Variants in BFAR observed in about 807,000 individuals in gnomAD.
BFAR encodes the protein RING finger protein 47.
Under a neutral mutation model 54.4 loss-of-function variants are expected in BFAR, and 52 were observed. That is an observed-to-expected ratio of 0.96 (90% CI 0.77 to 1.21). The LOEUF is 1.21. Ranked by LOEUF, BFAR falls within the 50% of genes most tolerant of loss-of-function variation. The pLI is 0.00. For missense variants in BFAR, 571 were observed against 534.0 expected (o/e 1.07, Z -0.68); for synonymous variants, 215 against 204.3 (o/e 1.05, Z -0.45).
intron 5 of BFAR, among the ~76,000 whole-genome samples, chr16:14,661,560 G>A (rs1483844531): frequency 1.3e-5 from 2 of 151,782 alleles, no homozygotes; most frequent in Non-Finnish European, 2.9e-5. Context: ...GAGCCACCAT[G>A]CCCAGCTAAT....
intron 2 of BFAR, among the ~76,000 whole-genome samples, chr16:14,646,170 C>T (rs1039078841): frequency 5.3e-5 from 8 of 152,190 alleles, no homozygotes; most frequent in Non-Finnish European, 1.2e-4. Context: ...TCTCCTGCCT[C>T]AGCTTCCCTA....
intron 2 of BFAR, among the ~76,000 whole-genome samples, chr16:14,647,677 C>CAA (rs888504146): frequency 1.8e-4 from 16 of 88,310 alleles, no homozygotes; most frequent in African/African-American, 3.7e-4. Flanking sequence ...ACTCTTGTCT[C>CAA]AAAAAAAAAA....
intron 7 of BFAR, chr16:14,667,312 A>T: frequency 3.2e-6 from 1 of 310,608 alleles, no homozygotes; most frequent in Non-Finnish European, 5.9e-6. Flanking sequence ...CTGCACTCCC[A>T]GGCTGGACAA....
Position 14,644,415 on chromosome 16 carries a change from C to A in BFAR, c.69C>A (p.Thr23=). 6.2e-7 allele frequency: 1 copy of A among 1,613,810 alleles called. No individual in the cohort carries two copies. Among genetic ancestry groups the A allele is most frequent in the Non-Finnish European group, 8.5e-7 (1 of 1,179,834 alleles). Residue 23 remains threonine (T), a synonymous_variant, in exon 2 of 8, where the codon ACC becomes ACA. Transcript: ENST00000261658. The stretch of plus-strand genomic sequence containing the variant: ...AGAGAGATGAACCTCTCAAAAGCAC[C>A]GGCCCTCAGATTTCTGTTAGTGAAT... The part of the protein sequence containing the change: ...DLERDEPLKS[T]GPQISVSEFS...
At chr16:14,659,401 C>T (rs188694566) in intron 5 of BFAR, among the ~76,000 whole-genome samples, 20 of 151,744 alleles carry the variant, frequency 1.3e-4, no homozygotes, top group Admixed American at 1.1e-3. Context: ...ACCACCACAC[C>T]GGCTAATTTT....
In BFAR at chr16:14,644,541, A is replaced by G; in HGVS notation, c.195A>G (p.Ser65=). ...RHCLALWWAS[S]KKTECPECRE... ...GCCTTGCTTTATGGTGGGCATCTTC[A>G]AAGAAAACAGAATGTCCAGAATGCA... is the stretch of plus-strand genomic sequence containing the variant. Residue 65 remains serine, a synonymous_variant, in exon 2 of 8, where the codon TCA becomes TCG. Transcript: ENST00000261658. 2 of 1,614,142 alleles carry G rather than the reference A, an allele frequency of 1.2e-6. No homozygotes were observed. Among genetic ancestry groups the G allele is most frequent in the East Asian group, 2.2e-5 (1 of 44,878 alleles).
chr16:14,669,122 A>G lies in BFAR; in HGVS notation c.*1295A>G, dbSNP rs1960526114. 1 of 438,772 alleles carries G rather than the reference A, an allele frequency of 2.3e-6. No homozygotes were observed. Among genetic ancestry groups the G allele is most frequent in the Admixed American group, 2.5e-5 (1 of 40,010 alleles). The allele number at this position is 438,772 out of a possible 1,614,324, so 27.2% of individuals were successfully genotyped here. On this transcript the variant is annotated 3_prime_UTR_variant, in exon 8 of 8. Coordinates refer to ENST00000261658, the MANE Select transcript of BFAR (RefSeq NM_016561.3). The stretch of plus-strand genomic sequence containing the variant: ...CAAAATATTATCTTGTGACTCCATG[A>G]ACCATTCATTAACCCTTTGTATCTT...
chr16:14,634,022 G>A (rs368578484), intron 1 of BFAR, among the ~76,000 whole-genome samples: 7 of 152,176 alleles, frequency 4.6e-5, no homozygotes, highest in African/African-American at 1.7e-4. Context: ...TGTCTAAACG[G>A]GGACCTTTGG....
At chr16:14,665,110 A>G (rs768352541) in intron 7 of BFAR, 39 bp downstream of exon 7, 1 of 1,527,536 alleles carries the variant, frequency 6.5e-7, no homozygotes, top group South Asian at 1.1e-5. Flanking sequence ...AGGGGATGGG[A>G]AAGAAATACC....
chr16:14,659,211 T>C (rs1005482209), intron 5 of BFAR, among the ~76,000 whole-genome samples: 13 of 151,160 alleles, frequency 8.6e-5, no homozygotes, highest in Admixed American at 2.0e-4. Context: ...GCCCAGCCTG[T>C]AGTATGCAAT....
intron 1 of BFAR, among the ~76,000 whole-genome samples, chr16:14,634,519 A>C (rs1223438786): frequency 6.6e-6 from 1 of 152,230 alleles, no homozygotes; most frequent in Non-Finnish European, 1.5e-5. Context: ...GTACCTGTAG[A>C]TAGTTTGTCA....
intron 6 of BFAR, among the ~76,000 whole-genome samples, chr16:14,664,390 C>CAAAAA (rs753783830): frequency 8.6e-5 from 5 of 58,092 alleles, no homozygotes; most frequent in African/African-American, 1.2e-4. Context: ...GACTCCGTCT[C>CAAAAA]AAAAAAAAAA....
At chr16:14,664,363 C>G (rs1325861432) in intron 6 of BFAR, among the ~76,000 whole-genome samples, 1 of 146,822 alleles carries the variant, frequency 6.8e-6, no homozygotes, top group Non-Finnish European at 1.5e-5. Context: ...TGCATTCCAG[C>G]CTGGGTAACA....
rs139623001 is a variant in BFAR, at chr16:14,653,691, T to C, written c.639-1375T>C. Among the ~76,000 whole-genome samples the C allele has an allele frequency of 7.1e-3, 1,082 of 152,252 alleles. 15 individuals carry two copies. Among genetic ancestry groups the C allele is most frequent in the African/African-American group, 0.024 (1,017 of 41,546 alleles). ...CTCCAATTATTTTTATTAAATTAAA[T>C]CCCTACCTTAAAACAACTACTCTTT... On this transcript the variant is annotated intron_variant, in intron 4 of 7. Coordinates refer to ENST00000261658, the MANE Select transcript of BFAR (RefSeq NM_016561.3).
Position 14,667,760 on chromosome 16 carries a change from T to G in BFAR, c.1286T>G (p.Phe429Cys). 3 of 1,614,154 alleles carry G rather than the reference T, an allele frequency of 1.9e-6. No homozygotes were observed. Among genetic ancestry groups the G allele is most frequent in the Non-Finnish European group, 2.5e-6 (3 of 1,180,026 alleles). Residue 429 changes from phenylalanine to cysteine, a missense_variant, in exon 8 of 8, where the codon TTT becomes TGT. Coordinates refer to ENST00000261658, the MANE Select transcript of BFAR (RefSeq NM_016561.3). Reference sequence around the variant, plus strand: ...TGTTTGTTTTACTGGGCCCTGTACTTTAACCCAATTATTAACATTGATCTT... The same window carrying G: ...TGTTTGTTTTACTGGGCCCTGTACTGTAACCCAATTATTAACATTGATCTT... Reference protein sequence around the residue: ...CNCLFYWALYFNPIINIDLVV... With the variant: ...CNCLFYWALYCNPIINIDLVV...
intron 3 of BFAR, among the ~76,000 whole-genome samples, chr16:14,649,545 G>A (rs1337045561): frequency 6.6e-6 from 1 of 152,188 alleles, no homozygotes; most frequent in Non-Finnish European, 1.5e-5. Flanking sequence ...CTGCTCCCAG[G>A]TGCCTGAGAT....
intron 1 of BFAR, among the ~76,000 whole-genome samples, chr16:14,636,621 C>T (rs1326866909): frequency 6.6e-6 from 1 of 152,198 alleles, no homozygotes; most frequent in Non-Finnish European, 1.5e-5. Flanking sequence ...CAGATGCCTT[C>T]CTCTTGGCTC....
At chr16:14,650,165 T>G in intron 4 of BFAR, 192 bp downstream of exon 4, 2 of 464,012 alleles carry the variant, frequency 4.3e-6, no homozygotes, top group Admixed American at 4.3e-5. Flanking sequence ...CTACTAAAAA[T>G]ACAAAAAAAA....
At chr16:14,654,735 TCTGC>T (rs1339325555) in intron 4 of BFAR, among the ~76,000 whole-genome samples, 1 of 152,146 alleles carries the variant, frequency 6.6e-6, no homozygotes, top group Non-Finnish European at 1.5e-5. Flanking sequence ...TTTCAAGTGA[TCTGC>T]CTGCCTCAGC....
Sources: allele counts gnomAD v4.1 joint callset (sites outside exome capture counted in the v4.1 genomes callset), GRCh38; gene constraint gnomAD v4.1.1; transcripts MANE v1.5; gene names NCBI Gene and HGNC (gene_info 2026-07-23, HGNC 2026-07-21).